PREX2: variants seen among roughly 807,000 people sequenced by gnomAD.
The protein encoded by PREX2 is phosphatidylinositol-3,4,5-trisphosphate dependent Rac exchange factor 2.
In PREX2, 107 loss-of-function variants were observed where a neutral mutation model predicts 203.2. The observed-to-expected ratio is 0.53, with a 90% CI of 0.45 to 0.62. The LOEUF is 0.62. Ranked by LOEUF, PREX2 falls within the 20% of genes least tolerant of loss-of-function variation. The pLI, the probability that PREX2 is intolerant of heterozygous loss-of-function variation, is 0.00. For missense variants in PREX2, 1,777 were observed against 1,955.9 expected, an observed-to-expected ratio of 0.91 and a Z score of 1.72; for synonymous variants, 672 against 663.6, an observed-to-expected ratio of 1.01 and a Z score of -0.19.
chr8:68,142,594 G>C (rs992450589), intron 33 of PREX2, among the ~76,000 whole-genome samples: 1 of 152,158 alleles, frequency 6.6e-6, no homozygotes, highest in Non-Finnish European at 1.5e-5. Flanking sequence ...AAACACACAT[G>C]TGCAGGTTTT....
chr8:68,183,200 A>G (rs533809127), intron 35 of PREX2, among the ~76,000 whole-genome samples: 34 of 152,248 alleles, frequency 2.2e-4, no homozygotes, highest in African/African-American at 7.2e-4. Flanking sequence ...TTAGAGATAG[A>G]TTGGAGTTAA....
chr8:67,992,685 A>G (rs569488509), intron 1 of PREX2, among the ~76,000 whole-genome samples: 67 of 152,340 alleles, frequency 4.4e-4, no homozygotes, highest in African/African-American at 1.5e-3. Flanking sequence ...CTATGACTGT[A>G]GGATCTGAAT....
At chr8:68,027,415 A>G (rs1412081149) in intron 5 of PREX2, 92 bp downstream of exon 5, 1 of 835,920 alleles carries the variant, frequency 1.2e-6, no homozygotes, top group Middle Eastern at 2.2e-4. Context: ...TGAGTCTGAT[A>G]TTCTAAAGGA....
chr8:68,079,530 T>C (rs7015462), intron 15 of PREX2, among the ~76,000 whole-genome samples: 80,935 of 151,798 alleles, frequency 0.53, 21,572 homozygotes, highest in South Asian at 0.56. Flanking sequence ...GGAAGTTAAA[T>C]TCAGGCCTGT....
At chr8:68,133,434 A>C (rs572054921) in intron 31 of PREX2, among the ~76,000 whole-genome samples, 5 of 152,174 alleles carry the variant, frequency 3.3e-5, no homozygotes, top group Non-Finnish European at 7.4e-5. Context: ...AAAACTATAA[A>C]TATATTACTT....
chr8:67,992,322 C>G (rs1806634264), intron 1 of PREX2, among the ~76,000 whole-genome samples: 1 of 152,288 alleles, frequency 6.6e-6, no homozygotes, highest in East Asian at 1.9e-4. Flanking sequence ...CCCTAATCAA[C>G]TTAACATTCT....
chr8:68,038,366 A>T, intron 7 of PREX2, 74 bp downstream of exon 7: 1 of 1,476,998 alleles, frequency 6.8e-7, no homozygotes, highest in East Asian at 2.3e-5. Flanking sequence ...CCCAGAACTC[A>T]TCTATCCAGC....
intron 23 of PREX2, among the ~76,000 whole-genome samples, chr8:68,103,324 A>G (rs1199909069): frequency 6.6e-6 from 1 of 152,194 alleles, no homozygotes. Flanking sequence ...TGAAATAGGA[A>G]GCTATCTGCA....
rs140035238 is a variant in PREX2 at position 68,134,228 on chromosome 8, G to A, written c.3936G>A (p.Ala1312=). 620 of 1,614,102 alleles carry A rather than the reference G, an allele frequency of 3.8e-4. 4 individuals are homozygous for A. The highest frequency in any genetic ancestry group is 3.3e-3 in the African/African-American group (250 of 75,044). ...EASRRWLDQI[A]NAGVLFHFQS... ...GCAGGAGGTGGCTGGACCAGATAGC[G>A]AATGCAGGTGTTCTTTTTCACTTTC... Residue 1312 remains alanine (A), a synonymous_variant, in exon 32 of 40, where the codon GCG becomes GCA. Transcript: ENST00000288368.
At chr8:68,086,664 A>G (rs969266696) in intron 18 of PREX2, among the ~76,000 whole-genome samples, 1 of 151,916 alleles carries the variant, frequency 6.6e-6, no homozygotes, top group Admixed American at 6.6e-5. Context: ...TCAGTGGAGT[A>G]TCTTATTTAT....
chr8:68,158,778 T>A (rs1245352919), intron 35 of PREX2, among the ~76,000 whole-genome samples: 2 of 152,184 alleles, frequency 1.3e-5, no homozygotes, highest in African/African-American at 4.8e-5. Flanking sequence ...CAGATGAAAG[T>A]TATTTTCTTC....
At chr8:68,136,472 A>G (rs1291194978) in intron 32 of PREX2, among the ~76,000 whole-genome samples, 1 of 152,154 alleles carries the variant, frequency 6.6e-6, no homozygotes, top group Non-Finnish European at 1.5e-5. Flanking sequence ...AGTGCGAGGC[A>G]CAGCCAGTGG....
At chr8:68,134,984 G>A (rs1811085198) in intron 32 of PREX2, among the ~76,000 whole-genome samples, 1 of 152,120 alleles carries the variant, frequency 6.6e-6, no homozygotes, top group South Asian at 2.1e-4. Context: ...ATATATAAAT[G>A]TTAGGTGATC....
At chr8:68,027,802 T>G (rs1585717899) in intron 5 of PREX2, among the ~76,000 whole-genome samples, 1 of 152,194 alleles carries the variant, frequency 6.6e-6, no homozygotes, top group East Asian at 1.9e-4. Flanking sequence ...AGACAATAAA[T>G]GATAGAATGT....
chr8:68,018,794 A>G (rs1027513067), intron 2 of PREX2, among the ~76,000 whole-genome samples: 4 of 152,252 alleles, frequency 2.6e-5, no homozygotes, highest in African/African-American at 7.2e-5. Context: ...TGTATGTACT[A>G]TTCCTGATAT....
chr8:68,182,632 A>G (rs1328957679), intron 35 of PREX2, among the ~76,000 whole-genome samples: 2 of 151,964 alleles, frequency 1.3e-5, no homozygotes, highest in African/African-American at 4.8e-5. Flanking sequence ...TCATAGTGTA[A>G]GTATAGTAAC....
At chr8:68,105,683 ATATATATAT>A (rs1810388997) in intron 23 of PREX2, 1 of 236,424 alleles carries the variant, frequency 4.2e-6, no homozygotes, top group African/African-American at 2.5e-5. Context: ...TATATGGATT[ATATATATAT>A]ATATATATGG....
intron 11 of PREX2, among the ~76,000 whole-genome samples, chr8:68,061,359 G>A (rs1563524176): frequency 6.6e-6 from 1 of 152,308 alleles, no homozygotes; most frequent in East Asian, 1.9e-4. Flanking sequence ...TTCCGAGGGG[G>A]GCCAGGAGCT....
rs142902666 is a variant in PREX2 at position 68,107,354 on chromosome 8, A to G, written c.2716-755A>G. 5.3e-5 allele frequency among the ~76,000 whole-genome samples: 8 copies of G among 152,196 alleles called. No homozygotes were observed. In the East Asian group the frequency reaches 1.6e-3, roughly 30 times the overall value. On this transcript the variant is annotated intron_variant, in intron 23 of 39. Transcript: ENST00000288368. ...GCAAGGGGAAGAAAGCTTGAGATAG[A>G]GAAGTTAGGTGAGGATCTGACTTGG...
Sources: allele counts gnomAD v4.1 joint callset (sites outside exome capture counted in the v4.1 genomes callset), GRCh38; gene constraint gnomAD v4.1.1; transcripts MANE v1.5; gene names NCBI Gene and HGNC (gene_info 2026-07-23, HGNC 2026-07-21).